Variants in FYN observed in about 807,000 individuals in gnomAD.
FYN encodes the protein FYN proto-oncogene, Src family tyrosine kinase.
Under a neutral mutation model 70.2 loss-of-function variants are expected in FYN, and 10 were observed. The ratio of observed to expected loss-of-function variants is 0.14; its 90% confidence interval spans 0.09 to 0.24. FYN has a LOEUF of 0.24. Ranked by LOEUF, FYN falls within the 10% of genes least tolerant of loss-of-function variation. The pLI, the probability that FYN is intolerant of heterozygous loss-of-function variation, is 1.00. For synonymous variants in FYN, 236 were observed against 248.6 expected (o/e 0.95, Z 0.48); for missense variants, 319 against 673.1 (o/e 0.47, Z 5.82).
Position 111,804,954 on chromosome 6 carries a change from T to C in FYN, c.-81-24319A>G, listed in dbSNP as rs1772102495. 2.0e-5 allele frequency among the ~76,000 whole-genome samples: 3 copies of C among 152,284 alleles called. No individual in the cohort carries two copies. The Middle Eastern group carries it at 0.01, about 518-fold the overall frequency. On this transcript the variant is annotated intron_variant, in intron 2 of 13. Coordinates refer to ENST00000354650, the MANE Select transcript of FYN (RefSeq NM_002037.5). Reference sequence around the variant, plus strand: ...TTTATCAAAGTACACCAGGTGATTCTTATGTTTCTTCCAGGCCTCTCTGCC... The same window carrying C: ...TTTATCAAAGTACACCAGGTGATTCCTATGTTTCTTCCAGGCCTCTCTGCC...
At chr6:111,795,145 T>G (rs1012897090) in intron 2 of FYN, among the ~76,000 whole-genome samples, 3 of 152,218 alleles carry the variant, frequency 2.0e-5, no homozygotes, top group Admixed American at 1.3e-4. Flanking sequence ...CCAAAATTCA[T>G]GATTGAAACC....
intron 2 of FYN, among the ~76,000 whole-genome samples, chr6:111,795,531 T>C (rs1244110377): frequency 2.6e-5 from 4 of 152,206 alleles, no homozygotes; most frequent in African/African-American, 9.7e-5. Flanking sequence ...TTTGTGGAGT[T>C]TTTGTTTCAC....
intron 5 of FYN, chr6:111,708,289 T>C: frequency 2.6e-6 from 1 of 381,648 alleles, no homozygotes. Context: ...TCTCTCTTGG[T>C]AGGGGGCATT....
At chr6:111,856,073 A>G (rs528141649) in intron 1 of FYN, among the ~76,000 whole-genome samples, 3 of 152,258 alleles carry the variant, frequency 2.0e-5, no homozygotes, top group Non-Finnish European at 4.4e-5. Flanking sequence ...TTGACAAAAC[A>G]TTTGAAAGGA....
At chr6:111,856,622 A>G (rs1039105316) in intron 1 of FYN, among the ~76,000 whole-genome samples, 3 of 151,754 alleles carry the variant, frequency 2.0e-5, no homozygotes, top group Non-Finnish European at 2.9e-5. Flanking sequence ...TAGGTCTAAC[A>G]TATTTTTAAA....
At chr6:111,684,005 G>C (rs542017904) in intron 12 of FYN, among the ~76,000 whole-genome samples, 2 of 152,168 alleles carry the variant, frequency 1.3e-5, no homozygotes, top group Admixed American at 6.5e-5. Context: ...AGTTATCCCC[G>C]GTGACGCACT....
At chr6:111,671,525 A>G (rs1050259943) in intron 13 of FYN, among the ~76,000 whole-genome samples, 15 of 152,166 alleles carry the variant, frequency 9.9e-5, no homozygotes, top group African/African-American at 3.4e-4. Context: ...AAAATGTACC[A>G]CCATCTACTG....
intron 3 of FYN, among the ~76,000 whole-genome samples, chr6:111,765,413 C>G (rs1583422316): frequency 6.6e-6 from 1 of 152,060 alleles, no homozygotes; most frequent in Admixed American, 6.5e-5. Flanking sequence ...TGTGGGGACA[C>G]CAGAGACAGT....
At chr6:111,803,260 G>C (rs1301082638) in intron 2 of FYN, among the ~76,000 whole-genome samples, 1 of 152,184 alleles carries the variant, frequency 6.6e-6, no homozygotes, top group Non-Finnish European at 1.5e-5. Context: ...GCACTCCTCT[G>C]AAAGTATTAA....
At chr6:111,736,692 T>C (rs959966767) in intron 3 of FYN, among the ~76,000 whole-genome samples, 1 of 152,168 alleles carries the variant, frequency 6.6e-6, no homozygotes, top group African/African-American at 2.4e-5. Flanking sequence ...CCAGCCCAAG[T>C]GAAACAAAAT....
chr6:111,761,137 C>T (rs984744470), intron 3 of FYN, among the ~76,000 whole-genome samples: 5 of 152,210 alleles, frequency 3.3e-5, no homozygotes, highest in Non-Finnish European at 7.3e-5. Context: ...ACTCAACATA[C>T]ATAATACAGA....
chr6:111,699,725 C>A, intron 9 of FYN: 2 of 1,519,976 alleles, frequency 1.3e-6, no homozygotes, highest in South Asian at 1.2e-5. Flanking sequence ...CATAATTATG[C>A]ATGCACTAGG....
chr6:111,689,750 A>G (rs889460123), intron 12 of FYN, among the ~76,000 whole-genome samples: 12 of 152,140 alleles, frequency 7.9e-5, no homozygotes, highest in African/African-American at 2.9e-4. Flanking sequence ...TGAAAAGGGG[A>G]AAAAAGGCTA....
chr6:111,665,477 C>T (rs141753983), intron 13 of FYN, among the ~76,000 whole-genome samples: 1 of 152,156 alleles, frequency 6.6e-6, no homozygotes, highest in African/African-American at 2.4e-5. Flanking sequence ...AGCCACTTTT[C>T]CCCAAGACAT....
chr6:111,712,148 G>A (rs1274625442), intron 5 of FYN, among the ~76,000 whole-genome samples: 1 of 152,194 alleles, frequency 6.6e-6, no homozygotes, highest in African/African-American at 2.4e-5. Context: ...ACTGACACTG[G>A]CAGGGACTGA....
intron 1 of FYN, among the ~76,000 whole-genome samples, chr6:111,863,726 T>TA (rs1355397024): frequency 1.3e-5 from 2 of 152,200 alleles, no homozygotes; most frequent in East Asian, 3.8e-4. Flanking sequence ...CTTCATCAGA[T>TA]AAAATCCCAC....
At chr6:111,857,942 T>C (rs1280456005) in intron 1 of FYN, among the ~76,000 whole-genome samples, 1 of 152,216 alleles carries the variant, frequency 6.6e-6, no homozygotes, top group Non-Finnish European at 1.5e-5. Flanking sequence ...TGGCCTGGTT[T>C]GGCTGATGTA....
At chr6:111,735,596 AGGAGTGAAACTGGGTC>A (rs1290314640) in intron 3 of FYN, among the ~76,000 whole-genome samples, 38 of 152,336 alleles carry the variant, frequency 2.5e-4, no homozygotes, top group African/African-American at 7.7e-4. Flanking sequence ...AGTATTAAGC[AGGAGTGAAACTGGGTC>A]TTGATAGACA....
chr6:111,696,512 G>T, intron 9 of FYN, 56 bp from the exon 10 acceptor site: 6 of 1,382,308 alleles, frequency 4.3e-6, no homozygotes, highest in Admixed American at 2.4e-5. Flanking sequence ...GATGGAAAAA[G>T]GTTTTGACCA....
Sources: allele counts gnomAD v4.1 joint callset (sites outside exome capture counted in the v4.1 genomes callset), GRCh38; gene constraint gnomAD v4.1.1; transcripts MANE v1.5; gene names NCBI Gene and HGNC (gene_info 2026-07-23, HGNC 2026-07-21).